Variants in COL4A1 observed in about 807,000 individuals in gnomAD.
The protein encoded by COL4A1 is collagen alpha-1(IV) chain.
Under a neutral mutation model 216.6 loss-of-function variants are expected in COL4A1, and 40 were observed. That is an observed-to-expected ratio of 0.18 (90% CI 0.14 to 0.24). The LOEUF (loss-of-function observed/expected upper bound fraction) is 0.24. Ranked by LOEUF, COL4A1 falls within the 10% of genes least tolerant of loss-of-function variation. COL4A1 has a pLI of 1.00. For synonymous variants in COL4A1, 839 were observed against 810.7 expected (o/e 1.03, Z -0.59); for missense variants, 1,628 against 2,196.8 (o/e 0.74, Z 5.18).
chr13:110,246,347 G>GAA (rs141516861), intron 1 of COL4A1, among the ~76,000 whole-genome samples: 7 of 149,094 alleles, frequency 4.7e-5, no homozygotes, highest in Middle Eastern at 3.5e-3. Flanking sequence ...CTGCTAAAAA[G>GAA]AAAAAAAAAA....
intron 2 of COL4A1, among the ~76,000 whole-genome samples, chr13:110,222,771 TTAAAAAAAAAAA>T (rs1443142813): frequency 4.3e-5 from 4 of 93,404 alleles, no homozygotes; most frequent in East Asian, 3.4e-4. Flanking sequence ...AGACTCTGCT[TTAAAAAAAAAAA>T]AAAAAAAAAA....
chr13:110,252,581 TAC>T lies in COL4A1; in HGVS notation c.85-9849_85-9848del, dbSNP rs1294612871. On this transcript the variant is annotated intron_variant, in intron 1 of 51. Coordinates refer to ENST00000375820, the MANE Select transcript of COL4A1 (RefSeq NM_001845.6). ...TAATTATACGTATATATGTATTATATACGTATAATTATACGTATATATGTATT... is the reference window on the plus strand; with the variant it reads ...TAATTATACGTATATATGTATTATATGTATAATTATACGTATATATGTATT... Among the ~76,000 whole-genome samples, 126 of 81,054 alleles carry T rather than the reference TAC, an allele frequency of 1.6e-3. 8 individuals carry two copies. Among genetic ancestry groups the T allele is most frequent in the Non-Finnish European group, 2.9e-3 (114 of 39,196 alleles). 53.2% of individuals were successfully genotyped at this position (81,054 alleles called of 152,430 possible).
intron 1 of COL4A1, among the ~76,000 whole-genome samples, chr13:110,286,896 C>T (rs745749290): frequency 2.0e-5 from 3 of 152,240 alleles, no homozygotes; most frequent in African/African-American, 7.2e-5. Flanking sequence ...AAACAGAATT[C>T]GTTTCTGGGA....
intron 1 of COL4A1, among the ~76,000 whole-genome samples, chr13:110,287,971 A>C (rs1883906656): frequency 6.6e-6 from 1 of 152,072 alleles, no homozygotes; most frequent in African/African-American, 2.4e-5. Context: ...AAGAAGCCTG[A>C]GTGGTCTGGG....
At chr13:110,247,834 TGG>T (rs1491112273) in intron 1 of COL4A1, among the ~76,000 whole-genome samples, 4,275 of 87,208 alleles carry the variant, frequency 0.049, 226 homozygotes, top group Non-Finnish European at 0.056. Flanking sequence ...TGTGTGTGTG[TGG>T]CAGAGAGAGA....
At chr13:110,259,409 A>C (rs555064582) in intron 1 of COL4A1, among the ~76,000 whole-genome samples, 18 of 152,362 alleles carry the variant, frequency 1.2e-4, no homozygotes, top group African/African-American at 4.3e-4. Flanking sequence ...TACTTAAAAA[A>C]AATTTTTAAG....
intron 1 of COL4A1, among the ~76,000 whole-genome samples, chr13:110,306,290 T>A (rs971329548): frequency 3.3e-5 from 5 of 152,212 alleles, no homozygotes; most frequent in African/African-American, 1.2e-4. Context: ...TATAATTTTT[T>A]AAAATATATA....
intron 21 of COL4A1, 97 bp from the exon 22 acceptor site, chr13:110,195,215 T>G (rs535691336): frequency 1.0e-6 from 1 of 966,442 alleles, no homozygotes; most frequent in African/African-American, 1.6e-5. Flanking sequence ...TTTAGGCTAT[T>G]TGACAAGTGT....
intron 46 of COL4A1, among the ~76,000 whole-genome samples, chr13:110,164,277 G>C (rs1594538348): frequency 1.3e-5 from 2 of 152,276 alleles, no homozygotes; most frequent in Non-Finnish European, 1.5e-5. Context: ...ACATAGGTGT[G>C]ACCCAGTGAG....
chr13:110,187,041 G>C, intron 25 of COL4A1, 97 bp downstream of exon 25: 1 of 1,452,784 alleles, frequency 6.9e-7, no homozygotes, highest in Non-Finnish European at 9.6e-7. Flanking sequence ...TCATCAAGGA[G>C]ATAGAAATAC....
intron 22 of COL4A1, among the ~76,000 whole-genome samples, chr13:110,193,997 C>T (rs1014727769): frequency 6.6e-6 from 1 of 151,976 alleles, no homozygotes; most frequent in African/African-American, 2.4e-5. Context: ...GATGCTTCTC[C>T]TAGGATCTGG....
chr13:110,259,563 T>C (rs1882732947), intron 1 of COL4A1, among the ~76,000 whole-genome samples: 1 of 152,228 alleles, frequency 6.6e-6, no homozygotes, highest in African/African-American at 2.4e-5. Flanking sequence ...ACATGAATTT[T>C]CCTTTTCAAA....
At position 110,211,608 on chromosome 13, in the gene COL4A1, T is replaced by C; in HGVS notation, c.468+39A>G. On this transcript the variant is annotated intron_variant, in intron 8 of 51. Transcript: ENST00000375820. This position sits in a 1 kb window ranked among gnomAD's most constrained non-coding sequence, Gnocchi z 4.3. ...TGGCACTTGTTGTAAACAGATTCCCTGTAATGAATCCAATAAAGCAAAATA... is the reference window on the plus strand; with the variant it reads ...TGGCACTTGTTGTAAACAGATTCCCCGTAATGAATCCAATAAAGCAAAATA... 1 of 1,600,134 alleles carries C rather than the reference T, an allele frequency of 6.2e-7. No individual in the cohort carries two copies. The highest frequency in any genetic ancestry group is 8.5e-7 in the Non-Finnish European group (1 of 1,171,614).
At chr13:110,212,079 T>C (rs557885724) in intron 6 of COL4A1, among the ~76,000 whole-genome samples, 157 bp from the exon 7 acceptor site, 91 of 152,268 alleles carry the variant, frequency 6.0e-4, no homozygotes, top group African/African-American at 2.0e-3. Context: ...TACCACTTTA[T>C]GAAAGAAGAA....
At chr13:110,248,992 C>A (rs1197583388) in intron 1 of COL4A1, among the ~76,000 whole-genome samples, 1 of 152,048 alleles carries the variant, frequency 6.6e-6, no homozygotes, top group Non-Finnish European at 1.5e-5. Context: ...TTGTTTTAAC[C>A]GCGGTGGCTG....
At chr13:110,186,164 C>T (rs1190248084) in intron 26 of COL4A1, among the ~76,000 whole-genome samples, 1 of 152,318 alleles carries the variant, frequency 6.6e-6, no homozygotes, top group East Asian at 1.9e-4. Context: ...ACTGTAAACC[C>T]AAGTTCTCCA....
intron 49 of COL4A1, among the ~76,000 whole-genome samples, chr13:110,157,967 T>C (rs1221975873): frequency 6.6e-6 from 1 of 152,178 alleles, no homozygotes; most frequent in East Asian, 1.9e-4. Flanking sequence ...ATGTCAACAT[T>C]GCCAAGAAAG....
intron 12 of COL4A1, among the ~76,000 whole-genome samples, chr13:110,208,299 C>G (rs1210291294): frequency 1.3e-5 from 2 of 152,242 alleles, no homozygotes; most frequent in East Asian, 3.9e-4. Flanking sequence ...TCCTCCCACA[C>G]CCACTTGGTC....
intron 1 of COL4A1, among the ~76,000 whole-genome samples, chr13:110,267,185 G>T (rs1883072177): frequency 6.6e-6 from 1 of 152,128 alleles, no homozygotes; most frequent in East Asian, 1.9e-4. Flanking sequence ...AGTGGGCCCT[G>T]AGCCTCCCCA....
Sources: allele counts gnomAD v4.1 joint callset (sites outside exome capture counted in the v4.1 genomes callset), GRCh38; gene constraint gnomAD v4.1.1; non-coding constraint Gnocchi (gnomAD v3.1); transcripts MANE v1.5; gene names NCBI Gene and HGNC (gene_info 2026-07-23, HGNC 2026-07-21).